Variants in PTPRD observed in about 807,000 individuals in gnomAD.
PTPRD encodes the protein receptor-type tyrosine-protein phosphatase delta.
Under a neutral mutation model 214.5 loss-of-function variants are expected in PTPRD, and 34 were observed. The observed-to-expected ratio is 0.16, with a 90% CI of 0.12 to 0.21. PTPRD has a LOEUF of 0.21. Among genes scored for constraint, PTPRD ranks in the 10% least tolerant of loss-of-function variants. PTPRD has a pLI of 1.00. For synonymous variants in PTPRD, 1,128 were observed against 845.7 expected (o/e 1.33, Z -5.79); for missense variants, 2,545 against 2,398.7 (o/e 1.06, Z -1.27).
At position 9,212,830 on chromosome 9, in the gene PTPRD, T is replaced by C. The variant is rs899375973; in HGVS notation, c.-202-29467A>G. Among the ~76,000 whole-genome samples the C allele has an allele frequency of 3.9e-5, 6 of 152,102 alleles. No individual in the cohort carries two copies. The South Asian group carries it at 8.3e-4, about 21-fold the overall frequency. ...ATTACATAGTTTCTATTTTGCAATG[T>C]GTGAGGTGAAAAAAACAAGGGATTA... On this transcript the variant is annotated intron_variant, in intron 9 of 45. Coordinates refer to ENST00000381196, the MANE Select transcript of PTPRD (RefSeq NM_002839.4).
At chr9:8,852,668 C>T (rs10977321) in intron 11 of PTPRD, among the ~76,000 whole-genome samples, 46,867 of 152,058 alleles carry the variant, frequency 0.31, 7,956 homozygotes, top group South Asian at 0.37. Context: ...GCTCTCCAAA[C>T]TGTCATCTTT....
intron 3 of PTPRD, among the ~76,000 whole-genome samples, chr9:10,262,517 T>C (rs542069982): frequency 1.3e-5 from 2 of 152,330 alleles, no homozygotes; most frequent in African/African-American, 4.8e-5. Context: ...TGTTGTTAAC[T>C]ACTATCCTAT....
intron 7 of PTPRD, among the ~76,000 whole-genome samples, chr9:9,580,100 T>C (rs1313340541): frequency 6.6e-6 from 1 of 152,190 alleles, no homozygotes; most frequent in African/African-American, 2.4e-5. Flanking sequence ...TACATTTTCT[T>C]TATTCAATCA....
chr9:9,429,782 C>G (rs953617365), intron 8 of PTPRD, among the ~76,000 whole-genome samples: 1 of 152,170 alleles, frequency 6.6e-6, no homozygotes, highest in Non-Finnish European at 1.5e-5. Context: ...ATCATACGAA[C>G]AGAACCCAAG....
intron 12 of PTPRD, among the ~76,000 whole-genome samples, chr9:8,672,737 G>A (rs2097310736): frequency 1.3e-5 from 2 of 151,078 alleles, no homozygotes; most frequent in South Asian, 4.2e-4. Context: ...GATAAAAATG[G>A]CAACTGATTA....
intron 3 of PTPRD, among the ~76,000 whole-genome samples, chr9:10,165,436 A>C (rs529168836): frequency 6.6e-6 from 1 of 151,968 alleles, no homozygotes; most frequent in South Asian, 2.1e-4. Flanking sequence ...AATAAAAGGT[A>C]GAATAACATG....
intron 9 of PTPRD, among the ~76,000 whole-genome samples, chr9:9,333,506 A>ATATATATATATAATAT (rs1569567449): frequency 1.2e-3 from 46 of 39,376 alleles, no homozygotes; most frequent in African/African-American, 5.9e-3. Flanking sequence ...ATAGTATATT[A>ATATATATATATAATAT]TATATATATA....
chr9:8,660,993 C>T (rs192532001), intron 12 of PTPRD, among the ~76,000 whole-genome samples: 2 of 152,234 alleles, frequency 1.3e-5, no homozygotes, highest in East Asian at 1.9e-4. Context: ...CTTGCACTCA[C>T]TCTGGCTATG....
At chr9:8,687,987 G>A (rs1451437248) in intron 12 of PTPRD, among the ~76,000 whole-genome samples, 1 of 152,062 alleles carries the variant, frequency 6.6e-6, no homozygotes, top group African/African-American at 2.4e-5. Context: ...TTGAAATTCT[G>A]AATGCCTACA....
intron 8 of PTPRD, among the ~76,000 whole-genome samples, chr9:9,418,311 T>C (rs986544872): frequency 2.6e-5 from 4 of 152,070 alleles, no homozygotes; most frequent in Non-Finnish European, 5.9e-5. Context: ...TAGTTTCTTA[T>C]GTCTAAAATG....
intron 11 of PTPRD, among the ~76,000 whole-genome samples, chr9:8,977,255 C>T (rs2099273004): frequency 6.6e-6 from 1 of 152,046 alleles, no homozygotes; most frequent in Non-Finnish European, 1.5e-5. Context: ...CAAAATTTAT[C>T]CCACTAAGTC....
chr9:8,715,066 A>C (rs1306407607), intron 12 of PTPRD, among the ~76,000 whole-genome samples: 1 of 152,116 alleles, frequency 6.6e-6, no homozygotes, highest in Non-Finnish European at 1.5e-5. Context: ...AGAAAGAGAG[A>C]AAGCTCACAC....
chr9:9,091,178 A>T lies in PTPRD; in HGVS notation c.-142-72443T>A. ...AATCGATCTCGTGAAGTCCGCAAGG[A>T]CCGAACACCCCCACCCCGATTTAGA... is the stretch of plus-strand genomic sequence containing the variant. On this transcript the variant is annotated intron_variant, in intron 10 of 45. Coordinates refer to ENST00000381196, the MANE Select transcript of PTPRD (RefSeq NM_002839.4). 11 of 1,539,432 alleles carry T rather than the reference A, an allele frequency of 7.1e-6. 1 individual carries two copies. The South Asian group carries it at 1.2e-4, about 17-fold the overall frequency.
At chr9:9,964,577 T>A (rs567837405) in intron 4 of PTPRD, among the ~76,000 whole-genome samples, 2 of 152,196 alleles carry the variant, frequency 1.3e-5, no homozygotes, top group East Asian at 1.9e-4. Context: ...GGGTTAGGAG[T>A]GGGGCAAATC....
At chr9:9,655,260 G>C (rs2096480431) in intron 7 of PTPRD, among the ~76,000 whole-genome samples, 1 of 152,026 alleles carries the variant, frequency 6.6e-6, no homozygotes, top group African/African-American at 2.4e-5. Flanking sequence ...TCAACAATAA[G>C]AAAACAATCT....
intron 11 of PTPRD, among the ~76,000 whole-genome samples, chr9:8,868,501 G>A (rs1191289564): frequency 2.0e-5 from 3 of 152,158 alleles, no homozygotes; most frequent in Non-Finnish European, 4.4e-5. Flanking sequence ...ACTGTGCCCA[G>A]CCTAGCATCT....
intron 11 of PTPRD, among the ~76,000 whole-genome samples, chr9:9,001,897 T>A (rs1431188786): frequency 6.6e-6 from 1 of 151,506 alleles, no homozygotes; most frequent in East Asian, 2.0e-4. Context: ...AGAATTGTTC[T>A]CATGCAATAA....
intron 10 of PTPRD, among the ~76,000 whole-genome samples, chr9:9,034,193 T>A (rs1353542834): frequency 6.6e-6 from 1 of 152,168 alleles, no homozygotes; most frequent in African/African-American, 2.4e-5. Context: ...CTGGCTTTTC[T>A]TCTGGGACAG....
chr9:8,383,297 G>C (rs371294249), intron 37 of PTPRD, among the ~76,000 whole-genome samples: 1 of 152,150 alleles, frequency 6.6e-6, no homozygotes, highest in Admixed American at 6.5e-5. Flanking sequence ...TCAAGGACTG[G>C]GGAAGACATA....
Sources: gnomAD v4.1 joint callset for allele counts (sites outside exome capture counted in the v4.1 genomes callset) on GRCh38, gnomAD v4.1.1 for gene constraint, MANE v1.5 for transcripts, NCBI Gene and HGNC (gene_info 2026-07-23, HGNC 2026-07-21) for gene names.